Variants in SMURF1 observed in about 807,000 individuals in gnomAD.
SMURF1 encodes E3 ubiquitin-protein ligase SMURF1.
In SMURF1, 44 loss-of-function variants were observed where a neutral mutation model predicts 98.0. That is an observed-to-expected ratio of 0.45 (90% CI 0.35 to 0.58). SMURF1 has a LOEUF of 0.58. Ranked by LOEUF, SMURF1 falls within the 20% of genes least tolerant of loss-of-function variation. SMURF1 has a pLI of 0.00. For missense variants in SMURF1, 687 were observed against 938.4 expected (o/e 0.73, Z 3.50); for synonymous variants, 396 against 374.9 (o/e 1.06, Z -0.65).
chr7:99,121,320 G>A (rs1378544124), intron 1 of SMURF1: 1 of 150,510 alleles, frequency 6.6e-6, no homozygotes, highest in Non-Finnish European at 1.5e-5. Context: ...TAACCTTGAA[G>A]AGTAAAGCTG....
rs1480603799 is a variant in SMURF1, at chr7:99,037,172, C to G, written c.1704G>C (p.Trp568Cys). Residue 568 changes from tryptophan (W) to cysteine (C), a missense_variant, in exon 15 of 18, where the codon TGG (tryptophan) becomes TGC (cysteine). Coordinates refer to ENST00000361368, the MANE Select transcript of SMURF1 (RefSeq NM_181349.3). ...GGGCTTCGATTCCTCTCATAAACCT[C>G]CAGTTTACATACAACCTGGAAGAAA... ...KKEYVRLYVN[W>C]RFMRGIEAQF... is the part of the protein sequence containing the mutation. The G allele has an allele frequency of 1.9e-6, 3 of 1,613,986 alleles. No homozygotes were observed. The African/African-American group carries it at 4.0e-5, about 22-fold the overall frequency.
chr7:99,068,964 T>A (rs990567285), intron 1 of SMURF1, among the ~76,000 whole-genome samples: 1 of 152,182 alleles, frequency 6.6e-6, no homozygotes, highest in African/African-American at 2.4e-5. Context: ...GTGATGACAT[T>A]TTCACTAGTG....
At chr7:99,037,591 C>G (rs1795195084) in intron 14 of SMURF1, among the ~76,000 whole-genome samples, 1 of 152,204 alleles carries the variant, frequency 6.6e-6, no homozygotes, top group Non-Finnish European at 1.5e-5. Context: ...ACACTGAGCC[C>G]CCCACTCCCC....
chr7:99,030,554 G>T lies in SMURF1; in HGVS notation c.*30C>A. On this transcript the variant is annotated 3_prime_UTR_variant, in exon 18 of 18. Transcript: ENST00000361368. ...TGGATGCTTTTGGTCTGGTGGCCAT[G>T]AGCTAGACTCTGTTGCCTTTGGTTG... The T allele has an allele frequency of 6.3e-7, 1 of 1,598,382 alleles. No homozygotes were observed. Among genetic ancestry groups the T allele is most frequent in the Non-Finnish European group, 8.6e-7 (1 of 1,166,102 alleles).
intron 16 of SMURF1, among the ~76,000 whole-genome samples, chr7:99,033,383 T>A (rs1233823944): frequency 6.6e-6 from 1 of 152,202 alleles, no homozygotes; most frequent in Non-Finnish European, 1.5e-5. Flanking sequence ...CAGTCTCGGC[T>A]CACTGCAACA....
rs1000302667 is a variant in SMURF1, at chr7:99,030,553, T to C, written c.*31A>G. 115 of 1,593,520 alleles carry C rather than the reference T, an allele frequency of 7.2e-5. No individual in the cohort carries two copies. The highest frequency in any genetic ancestry group is 9.8e-5 in the Non-Finnish European group (114 of 1,161,994). On this transcript the variant is annotated 3_prime_UTR_variant, in exon 18 of 18. Transcript: ENST00000361368. ...CTGGATGCTTTTGGTCTGGTGGCCA[T>C]GAGCTAGACTCTGTTGCCTTTGGTT... is the stretch of plus-strand genomic sequence containing the variant.
At chr7:99,134,141 G>T (rs1477421934) in intron 1 of SMURF1, among the ~76,000 whole-genome samples, 1 of 147,330 alleles carries the variant, frequency 6.8e-6, no homozygotes, top group African/African-American at 2.5e-5. Context: ...GCTCTGTAAG[G>T]CTAAACGTGC....
At chr7:99,031,318 A>G (rs1794877114) in intron 17 of SMURF1, 1 of 152,222 alleles carries the variant, frequency 6.6e-6, no homozygotes, top group Non-Finnish European at 1.5e-5. Context: ...TGAAATGAAT[A>G]TTCAACTTCT....
At chr7:99,084,480 T>C (rs1233868588) in intron 1 of SMURF1, among the ~76,000 whole-genome samples, 1 of 152,144 alleles carries the variant, frequency 6.6e-6, no homozygotes, top group African/African-American at 2.4e-5. Context: ...TCTAGAAATT[T>C]AATGCAATTC....
intron 14 of SMURF1, among the ~76,000 whole-genome samples, chr7:99,037,956 G>A (rs1795212615): frequency 1.3e-5 from 2 of 152,180 alleles, no homozygotes; most frequent in Non-Finnish European, 2.9e-5. Context: ...ACACAGACGT[G>A]CCCACATAGT....
At chr7:99,125,565 C>T (rs189370815) in intron 1 of SMURF1, among the ~76,000 whole-genome samples, 1 of 152,322 alleles carries the variant, frequency 6.6e-6, no homozygotes, top group Admixed American at 6.5e-5. Context: ...CATTAGGTGT[C>T]GCTCTGTGTC....
chr7:99,086,281 A>C (rs950008495), intron 1 of SMURF1, among the ~76,000 whole-genome samples: 2 of 151,930 alleles, frequency 1.3e-5, no homozygotes, highest in African/African-American at 4.8e-5. Flanking sequence ...GGGAGACGGA[A>C]GTTTCATTGA....
At chr7:99,040,253 T>C in intron 13 of SMURF1, 125 bp downstream of exon 13, 1 of 1,070,670 alleles carries the variant, frequency 9.3e-7, no homozygotes. Flanking sequence ...TTTCAGGTTA[T>C]AATACAATGG....
chr7:99,043,725 G>A (rs570420691), intron 11 of SMURF1, among the ~76,000 whole-genome samples: 1 of 152,308 alleles, frequency 6.6e-6, no homozygotes, highest in African/African-American at 2.4e-5. Flanking sequence ...TAGGAACCGG[G>A]GATCAGCTGT....
At chr7:99,111,194 G>C (rs1050830862) in intron 1 of SMURF1, among the ~76,000 whole-genome samples, 11 of 152,088 alleles carry the variant, frequency 7.2e-5, no homozygotes, top group Non-Finnish European at 1.2e-4. Context: ...AAAGGTCAAT[G>C]ATACAAAAAG....
At chr7:99,118,826 A>G (rs1797521690) in intron 1 of SMURF1, among the ~76,000 whole-genome samples, 1 of 151,898 alleles carries the variant, frequency 6.6e-6, no homozygotes, top group South Asian at 2.1e-4. Context: ...TCTATATTAT[A>G]CTGATATGGG....
chr7:99,107,059 G>C (rs1480738357), intron 1 of SMURF1, among the ~76,000 whole-genome samples: 1 of 152,222 alleles, frequency 6.6e-6, no homozygotes, highest in African/African-American at 2.4e-5. Flanking sequence ...TGTGTCACCA[G>C]AAGGAACAAG....
intron 1 of SMURF1, among the ~76,000 whole-genome samples, chr7:99,110,450 T>C (rs1797292881): frequency 1.3e-5 from 2 of 152,158 alleles, no homozygotes; most frequent in Non-Finnish European, 2.9e-5. Context: ...TATCAAGAGC[T>C]AGCTCACAGG....
chr7:99,035,927 C>T (rs922754866), intron 15 of SMURF1: 13 of 589,316 alleles, frequency 2.2e-5, no homozygotes, highest in African/African-American at 2.0e-4. Flanking sequence ...GGTCTCCAAC[C>T]CCAAGGACCG....
Sources: allele counts gnomAD v4.1 joint callset (sites outside exome capture counted in the v4.1 genomes callset), GRCh38; gene constraint gnomAD v4.1.1; transcripts MANE v1.5; gene names NCBI Gene and HGNC (gene_info 2026-07-23, HGNC 2026-07-21).